The following SHLD2 variants were observed in gnomAD, a reference collection of about 807,000 sequenced individuals.
SHLD2 encodes the protein shieldin complex subunit 2, also known as RINN1-REV7-interacting novel NHEJ regulator 2.
SHLD2 carries 30 observed loss-of-function variants against 73.2 expected under a neutral mutation model. That is an observed-to-expected ratio of 0.41 (90% CI 0.31 to 0.56). SHLD2 has a LOEUF of 0.56. SHLD2 is among the 20% of genes least tolerant of loss of function. The probability of loss-of-function intolerance (pLI) is 0.28; values close to 1 mark genes in which losing one functional copy is unlikely to be tolerated. For missense variants in SHLD2, 745 were observed against 1,055.9 expected (o/e 0.71, Z 4.08); for synonymous variants, 285 against 370.1 (o/e 0.77, Z 2.64).
At chr10:87,155,508 A>T (rs1055451872) in intron 3 of SHLD2, among the ~76,000 whole-genome samples, 36 of 151,652 alleles carry the variant, frequency 2.4e-4, no homozygotes, top group East Asian at 7.8e-4. Flanking sequence ...TGAAAAAAAA[A>T]TTTTTTTTTC....
chr10:87,156,877 C>T (rs1354374777), intron 3 of SHLD2, among the ~76,000 whole-genome samples: 4 of 152,086 alleles, frequency 2.6e-5, no homozygotes, highest in Non-Finnish European at 2.9e-5. Flanking sequence ...ATATATCACT[C>T]GCCTGAACTC....
chr10:87,151,900 T>C lies in SHLD2; in HGVS notation c.546T>C (p.Cys182=), dbSNP rs1266826219. 2 of 1,611,384 alleles carry C rather than the reference T, an allele frequency of 1.2e-6. No homozygotes were observed. Among genetic ancestry groups the C allele is most frequent in the Non-Finnish European group, 1.7e-6 (2 of 1,179,564 alleles). ...GTGCAGCTGTGTTGGATTTGGTTTG[T>C]AGTACTGAAAAAATTAATATAGGGC... ...HKCAAVLDLV[C]STEKINIGPE... The change falls in exon 3 of 10, where the codon TGT becomes TGC. Residue 182 remains cysteine (C), a synonymous_variant. Coordinates refer to ENST00000298786, the MANE Select transcript of SHLD2 (RefSeq NM_001330112.2).
intron 4 of SHLD2, among the ~76,000 whole-genome samples, chr10:87,168,541 G>A (rs1374051585): frequency 6.6e-6 from 1 of 150,388 alleles, no homozygotes; most frequent in African/African-American, 2.5e-5. Flanking sequence ...GGAGTTTACA[G>A]TGAGCTGAGA....
intron 2 of SHLD2, among the ~76,000 whole-genome samples, chr10:87,122,812 C>T (rs1843719569): frequency 6.6e-6 from 1 of 152,246 alleles, no homozygotes; most frequent in Non-Finnish European, 1.5e-5. Context: ...GAGTCTCGCT[C>T]TGTCGCCCAG....
upstream of SHLD2, chr10:87,095,149 C>A (rs1197224609): frequency 3.8e-5 from 1 of 26,264 alleles, no homozygotes; most frequent in Non-Finnish European, 7.8e-5. Flanking sequence ...ACGGGAGGGG[C>A]AGGGAGGGGA....
intron 2 of SHLD2, among the ~76,000 whole-genome samples, chr10:87,134,330 T>C (rs983919123): frequency 2.0e-5 from 3 of 152,114 alleles, no homozygotes; most frequent in African/African-American, 4.8e-5. Context: ...ACTTTCGTAG[T>C]AGAGAAGAAA....
At chr10:87,179,405 C>CTT (rs60122400) in intron 7 of SHLD2, among the ~76,000 whole-genome samples, 63 of 142,628 alleles carry the variant, frequency 4.4e-4, no homozygotes, top group Admixed American at 1.6e-3. Context: ...TCCTATTTGG[C>CTT]TTTTTTTTTT....
At chr10:87,099,864 A>G (rs1481463999) in intron 2 of SHLD2, among the ~76,000 whole-genome samples, 1 of 152,216 alleles carries the variant, frequency 6.6e-6, no homozygotes, top group East Asian at 1.9e-4. Flanking sequence ...CTTGATGACT[A>G]ATAAAATTTA....
chr10:87,186,832 T>A (rs994428707), intron 8 of SHLD2, among the ~76,000 whole-genome samples: 12 of 151,862 alleles, frequency 7.9e-5, no homozygotes, highest in Non-Finnish European at 1.5e-4. Flanking sequence ...TTTAATATAT[T>A]TTTATATTAG....
rs554117476 is a variant in SHLD2 at position 87,109,301 on chromosome 10, AT to A, written c.-6+12328del. Among the ~76,000 whole-genome samples, 992 of 141,970 alleles carry A rather than the reference AT, an allele frequency of 7.0e-3. 6 individuals carry two copies. Among genetic ancestry groups the A allele is most frequent in the African/African-American group, 0.014 (554 of 38,866 alleles). 93.1% of individuals were successfully genotyped at this position (141,970 alleles called of 152,430 possible). Reference sequence around the variant, plus strand: ...TTTTTCTTACCCTTCCGCAAATAAGATTTTTTTTTTTTTTTTGAGACAGTTT... The same window carrying A: ...TTTTTCTTACCCTTCCGCAAATAAGATTTTTTTTTTTTTTTGAGACAGTTT... On this transcript the variant is annotated intron_variant, in intron 2 of 9. Coordinates refer to ENST00000298786, the MANE Select transcript of SHLD2 (RefSeq NM_001330112.2).
intron 2 of SHLD2, among the ~76,000 whole-genome samples, chr10:87,151,093 G>A (rs1342303939): frequency 6.6e-6 from 1 of 152,226 alleles, no homozygotes; most frequent in Admixed American, 6.5e-5. Flanking sequence ...AAAGAGCTGG[G>A]ATTACAGGTG....
At chr10:87,180,625 A>C (rs1001698680) in intron 8 of SHLD2, among the ~76,000 whole-genome samples, 1 of 152,230 alleles carries the variant, frequency 6.6e-6, no homozygotes, top group Admixed American at 6.5e-5. Flanking sequence ...CCACCTTAAC[A>C]TAGAATTTAA....
chr10:87,119,942 G>A (rs904204292), intron 2 of SHLD2, among the ~76,000 whole-genome samples: 2 of 152,010 alleles, frequency 1.3e-5, no homozygotes, highest in African/African-American at 4.8e-5. Flanking sequence ...AAGGCTACTG[G>A]AAGAAAAATC....
chr10:87,115,846 A>G (rs1843221829), intron 2 of SHLD2, among the ~76,000 whole-genome samples: 1 of 152,154 alleles, frequency 6.6e-6, no homozygotes, highest in African/African-American at 2.4e-5. Flanking sequence ...ATCAGCTCTA[A>G]AGGTTGAGTA....
At position 87,152,628 on chromosome 10, in the gene SHLD2, G is replaced by C. The variant is rs1232151196; in HGVS notation, c.1274G>C (p.Ser425Thr). ...MDRRNVSEFK[S>T]IKKTSLIKNC... is the part of the protein sequence containing the mutation. ...CGGAGAAATGTGTCTGAATTTAAGAGTATTAAAAAAACATCATTAATAAAA... is the reference window on the plus strand; with the variant it reads ...CGGAGAAATGTGTCTGAATTTAAGACTATTAAAAAAACATCATTAATAAAA... Residue 425 changes from serine to threonine, a missense_variant, in exon 3 of 10, where the codon AGT becomes ACT. By Grantham distance (58) the Ser-to-Thr change is moderately conservative. Coordinates refer to ENST00000298786, the MANE Select transcript of SHLD2 (RefSeq NM_001330112.2). The C allele has an allele frequency of 2.5e-6, 4 of 1,609,622 alleles. No homozygotes were observed. The highest frequency in any genetic ancestry group is 3.4e-5 in the Admixed American group (2 of 59,406).
intron 2 of SHLD2, among the ~76,000 whole-genome samples, chr10:87,141,342 T>C (rs568614695): frequency 6.7e-6 from 1 of 149,652 alleles, no homozygotes; most frequent in Non-Finnish European, 1.5e-5. Flanking sequence ...TCGGTGTTTT[T>C]TTTTTTTTTT....
intron 1 of SHLD2, among the ~76,000 whole-genome samples, chr10:87,095,509 G>A (rs2133886722): frequency 6.6e-6 from 1 of 152,292 alleles, no homozygotes; most frequent in Admixed American, 6.5e-5. Flanking sequence ...GGGCTGACAC[G>A]TGGGCAGGAA....
At chr10:87,113,719 A>AT (rs1292697768) in intron 2 of SHLD2, among the ~76,000 whole-genome samples, 1 of 152,214 alleles carries the variant, frequency 6.6e-6, no homozygotes, top group Non-Finnish European at 1.5e-5. Context: ...ATTAAAAAAA[A>AT]GTATAGGCCA....
chr10:87,164,131 T>C (rs1378898802), intron 4 of SHLD2, among the ~76,000 whole-genome samples: 3 of 151,948 alleles, frequency 2.0e-5, no homozygotes, highest in Non-Finnish European at 4.4e-5. Flanking sequence ...ATAATTTTTG[T>C]ATTTTTAGTA....
Sources: gnomAD v4.1 joint callset for allele counts (sites outside exome capture counted in the v4.1 genomes callset) on GRCh38, gnomAD v4.1.1 for gene constraint, MANE v1.5 for transcripts, NCBI Gene and HGNC (gene_info 2026-07-23, HGNC 2026-07-21) for gene names.